Variants in FIGNL2 observed in about 807,000 individuals in gnomAD.
FIGNL2 encodes the protein fidgetin-like protein 2.
For synonymous variants in FIGNL2, 565 were observed against 484.0 expected (o/e 1.17, Z -2.20); for missense variants, 1,060 against 950.2 (o/e 1.12, Z -1.52).
intron 1 of FIGNL2, chr12:51,844,742 A>AT (rs1939715610): frequency 2.0e-6 from 2 of 985,236 alleles, no homozygotes; most frequent in Non-Finnish European, 2.4e-6. Flanking sequence ...CCTAAAAAAA[A>AT]AGCTGGACAG....
In FIGNL2 at chr12:51,820,324, C is replaced by A; in HGVS notation, c.*128G>T. 8.1e-7 allele frequency: 1 copy of A among 1,231,850 alleles called. No homozygotes were observed. The highest frequency in any genetic ancestry group is 1.5e-5 in the South Asian group (1 of 67,174). The allele number at this position is 1,231,850 out of a possible 1,614,324, so 76.3% of individuals were successfully genotyped here. A position where few individuals can be genotyped will look rare whatever the true frequency, so the allele number is the denominator to read the frequency against. On this transcript the variant is annotated 3_prime_UTR_variant, in exon 2 of 2. Coordinates refer to ENST00000618634, the MANE Select transcript of FIGNL2 (RefSeq NM_001384995.1). ...AAAAAAAAATATCCACCGGCAGACC[C>A]CTCCTGTCCCCGATCCCACATTCAC...
At chr12:51,834,117 A>G (rs796137060) in intron 1 of FIGNL2, among the ~76,000 whole-genome samples, 40 of 145,756 alleles carry the variant, frequency 2.7e-4, no homozygotes, top group Middle Eastern at 3.5e-3. Context: ...GGTTGGATGG[A>G]TGGATGGATG....
At position 51,820,444 on chromosome 12, in the gene FIGNL2, G is replaced by A. The variant is rs1306998744; in HGVS notation, c.*8C>T. On this transcript the variant is annotated 3_prime_UTR_variant, in exon 2 of 2. Coordinates refer to ENST00000618634, the MANE Select transcript of FIGNL2 (RefSeq NM_001384995.1). ...GACTGCGGCTCCCGCGGCCTCCCCCGCGCGCCGTCAGTGTCCGGAGCCGTA... is the reference window on the plus strand; with the variant it reads ...GACTGCGGCTCCCGCGGCCTCCCCCACGCGCCGTCAGTGTCCGGAGCCGTA... The A allele has an allele frequency of 3.2e-6, 5 of 1,583,838 alleles. No homozygotes were observed. The highest frequency in any genetic ancestry group is 4.3e-6 in the Non-Finnish European group (5 of 1,173,324).
At chr12:51,825,467 C>T (rs1209761902) in intron 1 of FIGNL2, among the ~76,000 whole-genome samples, 1 of 152,162 alleles carries the variant, frequency 6.6e-6, no homozygotes, top group African/African-American at 2.4e-5. Context: ...CTGGCTGTCA[C>T]TGAGAACTGC....
intron 1 of FIGNL2, among the ~76,000 whole-genome samples, chr12:51,831,103 G>A (rs1185056639): frequency 6.6e-6 from 1 of 152,072 alleles, no homozygotes; most frequent in Non-Finnish European, 1.5e-5. Flanking sequence ...AACCCAGCCT[G>A]TATTACCCTT....
intron 1 of FIGNL2, among the ~76,000 whole-genome samples, chr12:51,842,391 G>C (rs1247286633): frequency 1.3e-5 from 2 of 152,220 alleles, no homozygotes; most frequent in Non-Finnish European, 2.9e-5. Flanking sequence ...TGTCCAGAGA[G>C]TTCCCAGGGA....
chr12:51,826,632 TCC>T (rs199661054), intron 1 of FIGNL2, among the ~76,000 whole-genome samples: 3 of 105,604 alleles, frequency 2.8e-5, no homozygotes, highest in African/African-American at 1.2e-4. Context: ...AGAGCGAAAC[TCC>T]CATCTCAAAA....
chr12:51,826,741 C>T (rs1212081088), intron 1 of FIGNL2, among the ~76,000 whole-genome samples: 1 of 152,138 alleles, frequency 6.6e-6, no homozygotes, highest in Non-Finnish European at 1.5e-5. Context: ...CCTTTAACCC[C>T]TTCCAAGAGA....
intron 1 of FIGNL2, among the ~76,000 whole-genome samples, chr12:51,842,697 G>A (rs1939682903): frequency 6.6e-6 from 1 of 151,814 alleles, no homozygotes; most frequent in Admixed American, 6.6e-5. Flanking sequence ...CTCCTCTGAG[G>A]CAAGCCCCTG....
At chr12:51,847,324 G>A (rs772182658) in intron 1 of FIGNL2, 10 of 985,334 alleles carry the variant, frequency 1.0e-5, no homozygotes, top group Admixed American at 6.1e-5. Flanking sequence ...AGGCCCCACG[G>A]CCCAGGAACC....
rs77586084 is a variant in FIGNL2 at position 51,842,852 on chromosome 12, A to G, written c.-12+5688T>C. On this transcript the variant is annotated intron_variant, in intron 1 of 1. Coordinates refer to ENST00000618634, the MANE Select transcript of FIGNL2 (RefSeq NM_001384995.1). ...ATGCAGGGACAGTGGTCCTAAAAGC[A>G]TAGCCTGTCCTTTTGCCTCTTCGCT... Among the ~76,000 whole-genome samples, 66 of 152,368 alleles carry G rather than the reference A, an allele frequency of 4.3e-4. No individual in the cohort carries two copies. The East Asian group carries it at 0.012, about 27-fold the overall frequency.
In FIGNL2 at chr12:51,848,576, G is replaced by A; in HGVS notation, c.-48C>T. On this transcript the variant is annotated 5_prime_UTR_variant, in exon 1 of 2. Coordinates refer to ENST00000618634, the MANE Select transcript of FIGNL2 (RefSeq NM_001384995.1). ...GGCCGGGTCCTAGGTGAGTGTGCGC[G>A]GCCTGGGGGCGCGTCCGGCCCGGGG... The A allele has an allele frequency of 2.0e-6, 2 of 982,712 alleles. No homozygotes were observed. The highest frequency in any genetic ancestry group is 2.4e-6 in the Non-Finnish European group (2 of 827,962). The allele number at this position is 982,712 out of a possible 1,614,324, so 60.9% of individuals were successfully genotyped here.
chr12:51,820,860 C>T lies in FIGNL2; in HGVS notation c.1554G>A (p.Leu518=). 6.9e-7 allele frequency: 1 copy of T among 1,442,056 alleles called. No individual in the cohort carries two copies. The highest frequency in any genetic ancestry group is 9.1e-7 in the Non-Finnish European group (1 of 1,104,380). 89.3% of individuals were successfully genotyped at this position (1,442,056 alleles called of 1,614,324 possible). A position where few individuals can be genotyped will look rare whatever the true frequency, so the allele number is the denominator to read the frequency against. The change falls in exon 2 of 2, where the codon CTG becomes CTA. Residue 518 remains leucine, a synonymous_variant. Coordinates refer to ENST00000618634, the MANE Select transcript of FIGNL2 (RefSeq NM_001384995.1). ...CAGCCCCCGCGCCGCAGCCCCCGTC[C>T]AGGCAGGCCAGGAGCGGCACCTGCA... ...GALQVPLLAC[L]DGGCGAGADG... is the part of the protein sequence containing the mutation.
At chr12:51,831,470 C>T (rs1305058472) in intron 1 of FIGNL2, among the ~76,000 whole-genome samples, 1 of 152,172 alleles carries the variant, frequency 6.6e-6, no homozygotes, top group Non-Finnish European at 1.5e-5. Flanking sequence ...GTGGCTGGCC[C>T]CAGGTCACGC....
rs554145089 is a variant in FIGNL2 at position 51,819,545 on chromosome 12, G to C, written c.*907C>G. On this transcript the variant is annotated 3_prime_UTR_variant, in exon 2 of 2. Transcript: ENST00000618634. ...AGAATTTGGTCCCCTGGATGGAGTG[G>C]GGGGGAGGGGGCAGGTGTGAGGGGC... 5.2e-5 allele frequency: 8 copies of C among 152,816 alleles called. No individual in the cohort carries two copies. Among genetic ancestry groups the C allele is most frequent in the African/African-American group, 1.4e-4 (6 of 41,544 alleles). The allele number at this position is 152,816 out of a possible 1,614,324, so 9.5% of individuals were successfully genotyped here. A position where few individuals can be genotyped will look rare whatever the true frequency, so the allele number is the denominator to read the frequency against.
chr12:51,847,391 T>A lies in FIGNL2; in HGVS notation c.-12+1149A>T, dbSNP rs143653451. 6.6e-3 allele frequency: 6,508 copies of A among 985,434 alleles called. 34 individuals carry two copies. Among genetic ancestry groups the A allele is most frequent in the Middle Eastern group, 0.015 (29 of 1,914 alleles). The allele number at this position is 985,434 out of a possible 1,614,324, so 61.0% of individuals were successfully genotyped here. A position where few individuals can be genotyped will look rare whatever the true frequency, so the allele number is the denominator to read the frequency against. On this transcript the variant is annotated intron_variant, in intron 1 of 1. Coordinates refer to ENST00000618634, the MANE Select transcript of FIGNL2 (RefSeq NM_001384995.1). ...TGGGCTGGAACCGGGTCCCCACTCC[T>A]CGCTGCCGGGCGGAAAGCAGGAGAC...
chr12:51,821,984 A>G lies in FIGNL2; in HGVS notation c.430T>C (p.Tyr144His), dbSNP rs1319943616. Residue 144 changes from tyrosine to histidine, a missense_variant, in exon 2 of 2, where the codon TAC becomes CAC. Transcript: ENST00000618634. ...VLAGNLPEPL[Y>H]AGNACGGPSA... ...GGGCCCCCGCACGCATTGCCGGCGT[A>G]GAGGGGTTCAGGGAGGTTCCCGGCT... 1 of 1,576,412 alleles carries G rather than the reference A, an allele frequency of 6.3e-7. No individual in the cohort carries two copies. Among genetic ancestry groups the G allele is most frequent in the Non-Finnish European group, 8.6e-7 (1 of 1,162,390 alleles).
chr12:51,823,891 G>A (rs922098242), intron 1 of FIGNL2, among the ~76,000 whole-genome samples: 2 of 152,220 alleles, frequency 1.3e-5, no homozygotes, highest in Non-Finnish European at 2.9e-5. Flanking sequence ...TGTGAAGTGA[G>A]AAAACAGGTA....
At chr12:51,847,804 G>C (rs957434412) in intron 1 of FIGNL2, 2 of 985,234 alleles carry the variant, frequency 2.0e-6, no homozygotes, top group East Asian at 1.1e-4. Context: ...TGTAGAACAG[G>C]AGAGGGCTCT....
Sources: gnomAD v4.1 joint callset for allele counts (sites outside exome capture counted in the v4.1 genomes callset) on GRCh38, gnomAD v4.1.1 for gene constraint, MANE v1.5 for transcripts, NCBI Gene and HGNC (gene_info 2026-07-23, HGNC 2026-07-21) for gene names.